Variants in MDGA2 observed in about 807,000 individuals in gnomAD.
MDGA2 encodes MAM domain containing glycosylphosphatidylinositol anchor 2, also known as MAM domain-containing glycosylphosphatidylinositol anchor protein 2.
Under a neutral mutation model 117.8 loss-of-function variants are expected in MDGA2, and 40 were observed. That is an observed-to-expected ratio of 0.34 (90% CI 0.26 to 0.44). The LOEUF (loss-of-function observed/expected upper bound fraction) is 0.44, where lower values mean the gene tolerates loss of function less well. Among genes scored for constraint, MDGA2 ranks in the 20% least tolerant of loss-of-function variants. MDGA2 has a pLI of 1.00. For synonymous variants in MDGA2, 452 were observed against 439.0 expected, an observed-to-expected ratio of 1.03 and a Z score of -0.37; for missense variants, 1,123 against 1,250.6, an observed-to-expected ratio of 0.90 and a Z score of 1.54.
At chr14:46,942,769 G>A (rs191338467) in intron 9 of MDGA2, among the ~76,000 whole-genome samples, 10 of 152,084 alleles carry the variant, frequency 6.6e-5, no homozygotes, top group Non-Finnish European at 1.5e-4. Context: ...ATTCCATTTC[G>A]TGAATAGATC....
rs369135193 is a variant in MDGA2 at position 47,196,635 on chromosome 14, A to G, written c.595+21386T>C. Among the ~76,000 whole-genome samples, 4 of 152,198 alleles carry G rather than the reference A, an allele frequency of 2.6e-5. No individual in the cohort carries two copies. The South Asian group carries it at 8.3e-4, about 31-fold the overall frequency. ...TTCATTATTTAAAAGTATATTCTCA[A>G]TTTAGGATTCATGTATCATCATTTA... On this transcript the variant is annotated intron_variant, in intron 3 of 16. Transcript: ENST00000399232.
intron 4 of MDGA2, among the ~76,000 whole-genome samples, chr14:47,137,443 G>T (rs1882511532): frequency 6.6e-6 from 1 of 152,024 alleles, no homozygotes; most frequent in African/African-American, 2.4e-5. Context: ...TCCTGAGGGG[G>T]GCTGTGAGTT....
intron 6 of MDGA2, 105 bp from the exon 7 acceptor site, chr14:47,061,683 A>G: frequency 4.3e-6 from 4 of 925,418 alleles, no homozygotes; most frequent in Non-Finnish European, 6.4e-6. Context: ...AAAACCAAAT[A>G]AAGTGTACAT....
chr14:47,530,245 G>GCTCTTCTA (rs150947435), intron 1 of MDGA2, among the ~76,000 whole-genome samples: 2,332 of 152,208 alleles, frequency 0.015, 50 homozygotes, highest in African/African-American at 0.053. Flanking sequence ...TCTTGCCACG[G>GCTCTTCTA]CTCTTCTAGG....
chr14:47,032,250 C>T (rs1888689109), intron 8 of MDGA2, among the ~76,000 whole-genome samples: 1 of 151,858 alleles, frequency 6.6e-6, no homozygotes, highest in Non-Finnish European at 1.5e-5. Context: ...TTACATGTAG[C>T]ACAGGTATCC....
chr14:47,620,782 G>C (rs539592107), intron 1 of MDGA2, among the ~76,000 whole-genome samples: 5 of 152,264 alleles, frequency 3.3e-5, no homozygotes, highest in African/African-American at 1.2e-4. Context: ...TAGCAAACCT[G>C]AACTTTCCCC....
At chr14:47,651,216 G>T (rs1566559266) in intron 1 of MDGA2, among the ~76,000 whole-genome samples, 1 of 4,134 alleles carries the variant, frequency 2.4e-4, no homozygotes, top group African/African-American at 5.8e-4. Flanking sequence ...TGCATGTGGT[G>T]TGTGTGTGTG....
chr14:47,385,848 T>C (rs17118453), intron 1 of MDGA2, among the ~76,000 whole-genome samples: 16,597 of 152,208 alleles, frequency 0.11, 1,127 homozygotes, highest in Non-Finnish European at 0.13. Context: ...ACCTATTTTA[T>C]AATGTTGATA....
chr14:47,456,242 T>A (rs1046530407), intron 1 of MDGA2, among the ~76,000 whole-genome samples: 3 of 151,758 alleles, frequency 2.0e-5, no homozygotes, highest in Non-Finnish European at 2.9e-5. Context: ...AGAATTATAA[T>A]GCTTATCCTA....
intron 9 of MDGA2, among the ~76,000 whole-genome samples, chr14:46,934,101 C>T (rs1884691616): frequency 6.6e-6 from 1 of 151,344 alleles, no homozygotes; most frequent in Non-Finnish European, 1.5e-5. Context: ...TAGGAAATTG[C>T]CTAGGACTCA....
intron 1 of MDGA2, among the ~76,000 whole-genome samples, chr14:47,665,203 G>A (rs1398077729): frequency 1.3e-5 from 2 of 151,816 alleles, no homozygotes; most frequent in Admixed American, 1.3e-4. Context: ...TAACTGTTCC[G>A]AGCTTTTTCA....
intron 9 of MDGA2, among the ~76,000 whole-genome samples, chr14:46,929,240 T>G (rs879147733): frequency 1.3e-5 from 2 of 152,036 alleles, no homozygotes; most frequent in Admixed American, 1.3e-4. Context: ...GAACCATAGC[T>G]TTGGTGAAGA....
intron 9 of MDGA2, among the ~76,000 whole-genome samples, chr14:46,927,014 G>A (rs914926355): frequency 5.3e-5 from 8 of 152,236 alleles, no homozygotes; most frequent in East Asian, 1.9e-4. Flanking sequence ...GGTCACTAGC[G>A]TCTCTAACTG....
At chr14:46,975,869 G>A (rs563012496) in intron 8 of MDGA2, among the ~76,000 whole-genome samples, 4 of 152,114 alleles carry the variant, frequency 2.6e-5, no homozygotes, top group East Asian at 1.9e-4. Context: ...CTATGTCCTC[G>A]CATGTGGAAG....
At chr14:47,216,070 T>A (rs983596546) in intron 3 of MDGA2, among the ~76,000 whole-genome samples, 3 of 151,994 alleles carry the variant, frequency 2.0e-5, no homozygotes, top group African/African-American at 7.3e-5. Context: ...GTGATATGAA[T>A]GAGATACTCA....
chr14:47,579,990 A>G (rs1171279675), intron 1 of MDGA2, among the ~76,000 whole-genome samples: 1 of 152,078 alleles, frequency 6.6e-6, no homozygotes. Flanking sequence ...GGGAGGAATT[A>G]TTATTCTTAT....
intron 2 of MDGA2, among the ~76,000 whole-genome samples, chr14:47,235,830 G>A (rs747254427): frequency 1.2e-4 from 18 of 152,070 alleles, no homozygotes; most frequent in South Asian, 2.1e-4. Flanking sequence ...CTAGACTCAT[G>A]CCGAGAGGAA....
intron 1 of MDGA2, among the ~76,000 whole-genome samples, chr14:47,364,440 A>G (rs34744963): frequency 0.11 from 17,130 of 151,908 alleles, 1,067 homozygotes; most frequent in Middle Eastern, 0.15. Context: ...AATTTTTTGT[A>G]TTTTTAGTAG....
chr14:47,512,567 C>T (rs1048812740), intron 1 of MDGA2, among the ~76,000 whole-genome samples: 1 of 152,108 alleles, frequency 6.6e-6, no homozygotes, highest in Non-Finnish European at 1.5e-5. Flanking sequence ...TTTGTTCTAT[C>T]GACATCATAA....
Sources: gnomAD v4.1 joint callset for allele counts (sites outside exome capture counted in the v4.1 genomes callset) on GRCh38, gnomAD v4.1.1 for gene constraint, MANE v1.5 for transcripts, NCBI Gene and HGNC (gene_info 2026-07-23, HGNC 2026-07-21) for gene names.